Variants in TOX4 observed in about 807,000 individuals in gnomAD.
The protein encoded by TOX4 is epidermal Langerhans cell protein LCP1.
TOX4 carries 12 observed loss-of-function variants against 61.0 expected under a neutral mutation model. The ratio of observed to expected loss-of-function variants is 0.20; its 90% CI spans 0.13 to 0.32. The LOEUF is 0.32. Ranked by LOEUF, TOX4 falls within the 10% of genes least tolerant of loss-of-function variation. The probability of loss-of-function intolerance (pLI) is 1.00; values close to 1 mark genes in which losing one functional copy is unlikely to be tolerated. For synonymous variants in TOX4, 268 were observed against 274.8 expected (o/e 0.98, Z 0.24); for missense variants, 499 against 753.3 (o/e 0.66, Z 3.95).
chr14:21,482,711 G>T (rs578055870), intron 2 of TOX4: 18 of 366,906 alleles, frequency 4.9e-5, no homozygotes, highest in Non-Finnish European at 8.3e-5. Flanking sequence ...TAACAGTCTA[G>T]AGTGTGATCT....
intron 2 of TOX4, among the ~76,000 whole-genome samples, chr14:21,487,148 T>C (rs779373375): frequency 7.9e-5 from 12 of 152,184 alleles, no homozygotes; most frequent in Admixed American, 4.6e-4. Flanking sequence ...GTAATGGTAC[T>C]GAAAGAATTT....
At chr14:21,492,470 A>G in intron 6 of TOX4, 38 bp from the exon 7 acceptor site, 1 of 1,610,576 alleles carries the variant, frequency 6.2e-7, no homozygotes, top group Admixed American at 1.7e-5. Context: ...CCACCAAGTG[A>G]TTGATTAATT....
chr14:21,499,036 C>T lies in TOX4; in HGVS notation c.*2430C>T. The T allele has an allele frequency of 6.2e-7, 1 of 1,613,264 alleles. No individual in the cohort carries two copies. On this transcript the variant is annotated 3_prime_UTR_variant, in exon 9 of 9. Transcript: ENST00000448790. The stretch of plus-strand genomic sequence containing the variant: ...TCTGGTCACCTTACCAGTTGGGTTG[C>T]ACATTGTGTGGTCGTCCAAATAACT...
At chr14:21,484,027 G>A (rs996665204) in intron 2 of TOX4, among the ~76,000 whole-genome samples, 2 of 151,940 alleles carry the variant, frequency 1.3e-5, no homozygotes, top group African/African-American at 2.4e-5. Flanking sequence ...GGCTGGTCCC[G>A]AACTCCCGAC....
At chr14:21,481,757 A>C (rs1162949045) in intron 2 of TOX4, among the ~76,000 whole-genome samples, 1 of 152,256 alleles carries the variant, frequency 6.6e-6, no homozygotes, top group Non-Finnish European at 1.5e-5. Context: ...TAAAAAATTA[A>C]ATTATAAATG....
chr14:21,486,518 A>C (rs1453531350), intron 2 of TOX4, among the ~76,000 whole-genome samples: 3 of 152,014 alleles, frequency 2.0e-5, no homozygotes, highest in Non-Finnish European at 4.4e-5. Flanking sequence ...CATTTTACAG[A>C]TGAAGAAAAC....
At chr14:21,477,409 G>A (rs899289792) in intron 1 of TOX4, 87 bp from the exon 2 acceptor site, 3 of 1,610,062 alleles carry the variant, frequency 1.9e-6, no homozygotes, top group Admixed American at 3.3e-5. Context: ...GGGGAGTGTT[G>A]TCAGAATGTC....
chr14:21,491,980 G>C, intron 5 of TOX4: 1 of 185,086 alleles, frequency 5.4e-6, no homozygotes, highest in Non-Finnish European at 1.1e-5. Flanking sequence ...CACTGCACTC[G>C]AGCCTGGGCG....
chr14:21,477,358 G>A (rs1030387454), intron 1 of TOX4, 74 bp downstream of exon 1: 5 of 1,613,562 alleles, frequency 3.1e-6, no homozygotes, highest in Admixed American at 3.3e-5. Flanking sequence ...GGGAAGCCGG[G>A]CGGAGAGGCG....
intron 4 of TOX4, 134 bp downstream of exon 4, chr14:21,488,984 C>A: frequency 7.5e-7 from 1 of 1,333,054 alleles, no homozygotes; most frequent in Non-Finnish European, 1.0e-6. Context: ...GGGGTTCCAC[C>A]TCCCAATTTC....
rs1891470678 is a variant in TOX4 at position 21,498,576 on chromosome 14, T to A, written c.*1970T>A. On this transcript the variant is annotated 3_prime_UTR_variant, in exon 9 of 9. Coordinates refer to ENST00000448790, the MANE Select transcript of TOX4 (RefSeq NM_014828.4). ...GGTGTTAAAATAGACTGGATCTGTA[T>A]TATCTGAGGGTTAGTAACTAATGCT... 1 of 592,782 alleles carries A rather than the reference T, an allele frequency of 1.7e-6. No homozygotes were observed. The highest frequency in any genetic ancestry group is 2.8e-5 in the East Asian group (1 of 35,218). 36.7% of individuals were successfully genotyped at this position (592,782 alleles called of 1,614,324 possible).
At chr14:21,479,823 AT>A (rs934809343) in intron 2 of TOX4, among the ~76,000 whole-genome samples, 1 of 152,106 alleles carries the variant, frequency 6.6e-6, no homozygotes, top group Non-Finnish European at 1.5e-5. Context: ...CACAGTTTAA[AT>A]TTTGTTATTT....
chr14:21,493,714 C>A (rs1891342892), intron 7 of TOX4, among the ~76,000 whole-genome samples: 1 of 152,096 alleles, frequency 6.6e-6, no homozygotes, highest in South Asian at 2.1e-4. Flanking sequence ...GCTGGGATTA[C>A]AGGTGTGAGC....
Position 21,498,597 on chromosome 14 carries a change from ATGCTT to A in TOX4, c.*1992_*1996del. The A allele has an allele frequency of 1.8e-6, 1 of 559,364 alleles. No homozygotes were observed. The highest frequency in any genetic ancestry group is 3.1e-6 in the Non-Finnish European group (1 of 319,112). The allele number at this position is 559,364 out of a possible 1,614,324, so 34.7% of individuals were successfully genotyped here. On this transcript the variant is annotated 3_prime_UTR_variant, in exon 9 of 9. Coordinates refer to ENST00000448790, the MANE Select transcript of TOX4 (RefSeq NM_014828.4). ...TGTATTATCTGAGGGTTAGTAACTA[ATGCTT>A]AGCCAGGCCTGCTTCACAGAGTTGC...
rs184151322 is a variant in TOX4, at chr14:21,478,459, T to A, written c.75+895T>A. 1.1e-4 allele frequency among the ~76,000 whole-genome samples: 16 copies of A among 152,352 alleles called. No individual in the cohort carries two copies. In the East Asian group the frequency reaches 2.7e-3, roughly 26 times the overall value. On this transcript the variant is annotated intron_variant, in intron 2 of 8. Coordinates refer to ENST00000448790, the MANE Select transcript of TOX4 (RefSeq NM_014828.4). Reference sequence around the variant, plus strand: ...TCAAACAGCTGTAATTATAGTTTCTTATGCTGTTTTAAAGTAGAAGTAAAG... The same window carrying A: ...TCAAACAGCTGTAATTATAGTTTCTAATGCTGTTTTAAAGTAGAAGTAAAG...
In TOX4 at chr14:21,498,670, G is replaced by A. The variant is rs1181570849; in HGVS notation, c.*2064G>A. ...TGGATAAGCAAAATGCTAGCAGCAT[G>A]TGTTTTAAGCTCTGTTAAGGGGTGA... On this transcript the variant is annotated 3_prime_UTR_variant, in exon 9 of 9. Transcript: ENST00000448790. 2.0e-6 allele frequency: 1 copy of A among 489,526 alleles called. No homozygotes were observed. The highest frequency in any genetic ancestry group is 3.6e-6 in the Non-Finnish European group (1 of 274,710). The allele number at this position is 489,526 out of a possible 1,614,324, so 30.3% of individuals were successfully genotyped here. A position where few individuals can be genotyped will look rare whatever the true frequency, so the allele number is the denominator to read the frequency against.
chr14:21,494,550 A>G (rs1891359157), intron 7 of TOX4, among the ~76,000 whole-genome samples: 1 of 152,122 alleles, frequency 6.6e-6, no homozygotes, highest in South Asian at 2.1e-4. Context: ...GATCGAGACC[A>G]TCCTGGCTAA....
rs570001300 is a variant in TOX4 at position 21,486,036 on chromosome 14, A to G, written c.76-1415A>G. On this transcript the variant is annotated intron_variant, in intron 2 of 8. Coordinates refer to ENST00000448790, the MANE Select transcript of TOX4 (RefSeq NM_014828.4). ...GGCAACACAGGGAGAGCTCGTCTCC[A>G]CAAAAAATTTTAAAAATTAGCTGGG... Among the ~76,000 whole-genome samples, 5 of 102,722 alleles carry G rather than the reference A, an allele frequency of 4.9e-5. 1 individual carries two copies. Among genetic ancestry groups the G allele is most frequent in the African/African-American group, 1.9e-4 (5 of 26,958 alleles). The allele number at this position is 102,722 out of a possible 152,430, so 67.4% of individuals were successfully genotyped here. A position where few individuals can be genotyped will look rare whatever the true frequency, so the allele number is the denominator to read the frequency against.
At chr14:21,491,060 G>A (rs1488294429) in intron 5 of TOX4, among the ~76,000 whole-genome samples, 2 of 152,248 alleles carry the variant, frequency 1.3e-5, no homozygotes, top group African/African-American at 2.4e-5. Flanking sequence ...CCTGACCTCA[G>A]GTGATCCGCC....
Sources: gnomAD v4.1 joint callset for allele counts (sites outside exome capture counted in the v4.1 genomes callset) on GRCh38, gnomAD v4.1.1 for gene constraint, MANE v1.5 for transcripts, NCBI Gene and HGNC (gene_info 2026-07-23, HGNC 2026-07-21) for gene names.